The following SUPT6H variants were observed in gnomAD, a reference collection of about 807,000 sequenced individuals.
SUPT6H encodes the protein transcription elongation factor SPT6.
A neutral mutation model predicts 222.3 loss-of-function variants in SUPT6H; 11 were observed. The ratio of observed to expected loss-of-function variants is 0.05; its 90% CI spans 0.03 to 0.08. SUPT6H has a LOEUF of 0.08. SUPT6H is among the 10% of genes least tolerant of loss of function. The pLI is 1.00. For synonymous variants in SUPT6H, 762 were observed against 801.2 expected (o/e 0.95, Z 0.83); for missense variants, 1,422 against 2,216.0 (o/e 0.64, Z 7.19).
At chr17:28,677,505 G>A (rs376088454) in intron 7 of SUPT6H, among the ~76,000 whole-genome samples, 4 of 151,544 alleles carry the variant, frequency 2.6e-5, no homozygotes, top group South Asian at 2.1e-4. Flanking sequence ...AGATCGCGCC[G>A]TTGTGTTCCA....
intron 32 of SUPT6H, among the ~76,000 whole-genome samples, chr17:28,698,962 C>T (rs570867794): frequency 1.3e-5 from 2 of 152,282 alleles, no homozygotes; most frequent in Non-Finnish European, 2.9e-5. Context: ...GGTGGGGGCT[C>T]TAACCAGGAC....
chr17:28,666,804 G>C (rs1464874326), intron 1 of SUPT6H, among the ~76,000 whole-genome samples: 1 of 152,156 alleles, frequency 6.6e-6, no homozygotes, highest in Non-Finnish European at 1.5e-5. Flanking sequence ...TGATCAGCCT[G>C]CCTCAGCCTC....
chr17:28,697,615 C>T lies in SUPT6H; in HGVS notation c.4210-5C>T, dbSNP rs779608923. On this transcript the variant is annotated splice_polypyrimidine_tract_variant and splice_region_variant and intron_variant, in intron 30 of 36. Coordinates refer to ENST00000314616, the MANE Select transcript of SUPT6H (RefSeq NM_003170.5). ...ACACATGGGGCCTTTACCTTCTTCCCACAGGAATTCGAAGATTTGGATGAG... is the reference window on the plus strand; with the variant it reads ...ACACATGGGGCCTTTACCTTCTTCCTACAGGAATTCGAAGATTTGGATGAG... 2.5e-6 allele frequency: 4 copies of T among 1,612,582 alleles called. No homozygotes were observed. The highest frequency in any genetic ancestry group is 3.4e-6 in the Non-Finnish European group (4 of 1,178,774).
chr17:28,697,946 C>T lies in SUPT6H; in HGVS notation c.4364C>T (p.Pro1455Leu). Reference protein sequence around the residue: ...ELLIKTKKEKPTFIPYFICAC... With the variant: ...ELLIKTKKEKLTFIPYFICAC... ...CTCATCAAAACTAAGAAGGAGAAGC[C>T]CACCTTCATCCCTTATTTCATCTGT... The change falls in exon 32 of 37, where the codon CCC becomes CTC. Residue 1455 changes from proline (P) to leucine (L), a missense_variant. Pro to Leu is a moderately conservative substitution (Grantham distance 98, BLOSUM62 -3). Around this residue, in one of 13 missense-constraint regions of SUPT6H, gnomAD observed 395 missense variants for 580.6 expected, o/e 0.68. Transcript: ENST00000314616. 1 of 1,614,042 alleles carries T rather than the reference C, an allele frequency of 6.2e-7. No individual in the cohort carries two copies. The highest frequency in any genetic ancestry group is 8.5e-7 in the Non-Finnish European group (1 of 1,180,028).
chr17:28,683,592 T>A, intron 16 of SUPT6H, 29 bp from the exon 17 acceptor site: 1 of 1,607,398 alleles, frequency 6.2e-7, no homozygotes, highest in Non-Finnish European at 8.5e-7. Flanking sequence ...TCTCCATTCC[T>A]GACACCATAG....
rs1036981795 is a variant in SUPT6H at position 28,666,363 on chromosome 17, G to A, written c.-32+4021G>A. The stretch of plus-strand genomic sequence containing the variant: ...GGCAGATTTGGCCCTATAGAGAAAA[G>A]GAAAGGTTTGCCAACCCCTGTGCTA... On this transcript the variant is annotated intron_variant, in intron 1 of 36. Transcript: ENST00000314616. 4.6e-5 allele frequency among the ~76,000 whole-genome samples: 7 copies of A among 152,140 alleles called. 1 individual carries two copies. The highest frequency in any genetic ancestry group is 1.0e-4 in the Non-Finnish European group (7 of 68,016).
intron 29 of SUPT6H, among the ~76,000 whole-genome samples, chr17:28,696,296 CA>C (rs1185490286): frequency 0.049 from 2,606 of 53,682 alleles, 20 homozygotes; most frequent in Non-Finnish European, 0.063. Flanking sequence ...GACTCTGTCT[CA>C]AAAAAAAAAA....
At chr17:28,693,639 G>A in intron 27 of SUPT6H, 57 bp from the exon 28 acceptor site, 1 of 1,603,766 alleles carries the variant, frequency 6.2e-7, no homozygotes, top group Non-Finnish European at 8.5e-7. Context: ...GCTCTTTTCT[G>A]AATGAGCGAT....
chr17:28,681,690 G>A (rs1481044788), intron 12 of SUPT6H, among the ~76,000 whole-genome samples, 192 bp from the exon 13 acceptor site: 2 of 149,308 alleles, frequency 1.3e-5, no homozygotes, highest in East Asian at 2.0e-4. Context: ...ACCAGCCTGG[G>A]CAACAAACCG....
chr17:28,668,861 C>A (rs920982894), intron 1 of SUPT6H, among the ~76,000 whole-genome samples: 5 of 152,158 alleles, frequency 3.3e-5, no homozygotes, highest in Non-Finnish European at 4.4e-5. Context: ...ATTTAATTGG[C>A]AGAAGTTTAA....
In SUPT6H at chr17:28,701,646, T is replaced by C. The variant is rs533852004; in HGVS notation, c.*21T>C. On this transcript the variant is annotated 3_prime_UTR_variant, in exon 37 of 37. Transcript: ENST00000314616. The stretch of plus-strand genomic sequence containing the variant: ...GGTAGGGGGCCTGCTCCTCGGACTC[T>C]GGTTACCTCTGAGGCTGGGAAAGGC... 9.4e-6 allele frequency: 15 copies of C among 1,587,370 alleles called. No homozygotes were observed. In the South Asian group the frequency reaches 1.6e-4, roughly 17 times the overall value.
chr17:28,677,804 C>T lies in SUPT6H; in HGVS notation c.987C>T (p.Thr329=), dbSNP rs2030849544. The change falls in exon 8 of 37, where the codon ACC becomes ACT. Residue 329 remains threonine, a synonymous_variant. Coordinates refer to ENST00000314616, the MANE Select transcript of SUPT6H (RefSeq NM_003170.5). The stretch of plus-strand genomic sequence containing the variant: ...ACAGGAATGCTTTTGCCACACCAAC[C>T]ATTTCTCTCCAGGTACACAAAAAAG... ...WIYRNAFATP[T]ISLQESCDYL... The T allele has an allele frequency of 6.2e-7, 1 of 1,614,028 alleles. No individual in the cohort carries two copies. Among genetic ancestry groups the T allele is most frequent in the Non-Finnish European group, 8.5e-7 (1 of 1,179,908 alleles).
chr17:28,684,504 G>A (rs2031283966), intron 17 of SUPT6H, 82 bp from the exon 18 acceptor site: 2 of 1,551,878 alleles, frequency 1.3e-6, no homozygotes, highest in Non-Finnish European at 1.8e-6. Flanking sequence ...GTGTGTATGA[G>A]TGTGTTTCCA....
At chr17:28,669,336 C>T (rs1417396229) in intron 1 of SUPT6H, among the ~76,000 whole-genome samples, 4 of 152,170 alleles carry the variant, frequency 2.6e-5, no homozygotes, top group South Asian at 2.1e-4. Context: ...GGACTACAGG[C>T]GCCTGCCACC....
chr17:28,667,462 T>C (rs1597683643), intron 1 of SUPT6H, among the ~76,000 whole-genome samples: 1 of 141,472 alleles, frequency 7.1e-6, no homozygotes, highest in Non-Finnish European at 1.5e-5. Flanking sequence ...TACATATGTA[T>C]GTATATGTGT....
At chr17:28,700,047 C>T in intron 33 of SUPT6H, 126 bp from the exon 34 acceptor site, 3 of 1,457,726 alleles carry the variant, frequency 2.1e-6, no homozygotes, top group Non-Finnish European at 2.9e-6. Flanking sequence ...GGAAGGTTCT[C>T]CATCCACTGT....
intron 6 of SUPT6H, among the ~76,000 whole-genome samples, chr17:28,675,721 C>T (rs2030704835): frequency 6.6e-6 from 1 of 152,236 alleles, no homozygotes; most frequent in South Asian, 2.1e-4. Flanking sequence ...ATGGGCAAGG[C>T]TCCAGCATTC....
intron 1 of SUPT6H, among the ~76,000 whole-genome samples, chr17:28,663,828 A>ATTTTTTTTTT (rs71135839): frequency 0.012 from 469 of 38,382 alleles, 169 homozygotes; most frequent in African/African-American, 0.037. Context: ...TGCCCACTCC[A>ATTTTTTTTTT]TTTTTTTTTT....
intron 2 of SUPT6H, chr17:28,673,749 T>G: frequency 2.0e-6 from 1 of 500,608 alleles, no homozygotes; most frequent in Non-Finnish European, 3.6e-6. Context: ...TTACTTTAGT[T>G]GGGGGGTGGT....
Sources: gnomAD v4.1 joint callset for allele counts (sites outside exome capture counted in the v4.1 genomes callset) on GRCh38, gnomAD v4.1.1 for gene constraint, gnomAD v4.1.1 regional missense constraint, MANE v1.5 for transcripts, NCBI Gene and HGNC (gene_info 2026-07-23, HGNC 2026-07-21) for gene names.